The following ATF7IP variants were observed in gnomAD, a reference collection of about 807,000 sequenced individuals.
The protein encoded by ATF7IP is activating transcription factor 7-interacting protein 1.
In ATF7IP, 23 loss-of-function variants were observed where a neutral mutation model predicts 106.4. The observed-to-expected ratio is 0.22, with a 90% CI of 0.16 to 0.31. The LOEUF is 0.31. Ranked by LOEUF, ATF7IP falls within the 10% of genes least tolerant of loss-of-function variation. The pLI, the probability that ATF7IP is intolerant of heterozygous loss-of-function variation, is 1.00. For missense variants in ATF7IP, 1,334 were observed against 1,524.3 expected (o/e 0.88, Z 2.08); for synonymous variants, 542 against 539.0 (o/e 1.01, Z -0.08).
intron 4 of ATF7IP, among the ~76,000 whole-genome samples, chr12:14,437,151 A>G (rs377670486): frequency 4.6e-5 from 7 of 152,284 alleles, no homozygotes; most frequent in African/African-American, 1.7e-4. Flanking sequence ...AATATTCAGT[A>G]TTTTATGTTT....
At chr12:14,479,059 ACTATT>A (rs1201279056) in intron 12 of ATF7IP, among the ~76,000 whole-genome samples, 1 of 152,208 alleles carries the variant, frequency 6.6e-6, no homozygotes, top group Non-Finnish European at 1.5e-5. Flanking sequence ...GGAAAATAAT[ACTATT>A]CTGAGTTATA....
chr12:14,366,056 A>G (rs1370660600), intron 1 of ATF7IP, among the ~76,000 whole-genome samples: 1 of 152,142 alleles, frequency 6.6e-6, no homozygotes, highest in Non-Finnish European at 1.5e-5. Context: ...ATTCATTTTC[A>G]AGATCTAATG....
In ATF7IP at chr12:14,497,855, T is replaced by C; in HGVS notation, c.3595T>C (p.Tyr1199His). The C allele has an allele frequency of 6.2e-7, 1 of 1,614,138 alleles. No individual in the cohort carries two copies. Among genetic ancestry groups the C allele is most frequent in the South Asian group, 1.1e-5 (1 of 91,084 alleles). ...TGCCACTGTTGATAGCTACCATCTC[T>C]ATGCTTACCATGAGGAACCCAGTGC... ...SCATVDSYHLYAYHEEPSATV... is the reference protein window; with the variant it reads ...SCATVDSYHLHAYHEEPSATV... The change falls in exon 15 of 15, where the codon TAT becomes CAT. Residue 1199 changes from tyrosine to histidine, a missense_variant. Tyr to His is a moderately conservative substitution (Grantham distance 83). Coordinates refer to ENST00000261168, the MANE Select transcript of ATF7IP (RefSeq NM_018179.5).
chr12:14,483,104 T>TG (rs1249646382), intron 13 of ATF7IP, among the ~76,000 whole-genome samples: 1 of 152,260 alleles, frequency 6.6e-6, no homozygotes, highest in Non-Finnish European at 1.5e-5. Context: ...CACATGGTCC[T>TG]GGCTGGTATT....
intron 1 of ATF7IP, among the ~76,000 whole-genome samples, chr12:14,410,895 G>A (rs932191038): frequency 2.6e-5 from 4 of 152,110 alleles, no homozygotes; most frequent in African/African-American, 9.7e-5. Context: ...GTGGCCTTTC[G>A]TGACTGGCTT....
chr12:14,447,848 G>A (rs1943045819), intron 6 of ATF7IP, among the ~76,000 whole-genome samples: 2 of 152,106 alleles, frequency 1.3e-5, no homozygotes, highest in African/African-American at 4.8e-5. Flanking sequence ...GACTTAAACA[G>A]TTTGAATATT....
intron 6 of ATF7IP, among the ~76,000 whole-genome samples, chr12:14,449,129 A>G (rs1943098507): frequency 6.6e-6 from 1 of 152,086 alleles, no homozygotes; most frequent in Admixed American, 6.5e-5. Context: ...TTTCATATAC[A>G]GAAGTTATTA....
chr12:14,429,464 AT>A, intron 2 of ATF7IP, among the ~76,000 whole-genome samples: 1 of 151,692 alleles, frequency 6.6e-6, no homozygotes, highest in Non-Finnish European at 1.5e-5. Context: ...AGTGAACTAG[AT>A]TTTTTTTGCA....
chr12:14,446,101 A>G (rs931729548), intron 5 of ATF7IP, among the ~76,000 whole-genome samples: 1 of 151,884 alleles, frequency 6.6e-6, no homozygotes, highest in Non-Finnish European at 1.5e-5. Flanking sequence ...ATGATTAATA[A>G]TCTCACTGAC....
chr12:14,389,297 A>T (rs902246935), intron 1 of ATF7IP, among the ~76,000 whole-genome samples: 4 of 152,222 alleles, frequency 2.6e-5, no homozygotes, highest in African/African-American at 9.6e-5. Context: ...TGTTAGCATA[A>T]ATTAGCCATC....
intron 1 of ATF7IP, among the ~76,000 whole-genome samples, chr12:14,391,072 G>T (rs940985008): frequency 6.6e-6 from 1 of 152,212 alleles, no homozygotes; most frequent in African/African-American, 2.4e-5. Context: ...ACTTTGAAAA[G>T]AGAAAGTGAT....
chr12:14,457,262 G>A lies in ATF7IP; in HGVS notation c.2125G>A (p.Ala709Thr), dbSNP rs1458701856. 2.5e-6 allele frequency: 4 copies of A among 1,613,150 alleles called. No individual in the cohort carries two copies. The highest frequency in any genetic ancestry group is 1.7e-5 in the Admixed American group (1 of 59,762). The stretch of plus-strand genomic sequence containing the variant: ...GTCCAAAAGAAATGTAAGCGAGAGT[G>A]CACCACCATCCTTTCAAACTCCTGT... The part of the protein sequence containing the change: ...LESKRNVSES[A>T]PPSFQTPVNT... The change falls in exon 8 of 15, where the codon GCA (alanine) becomes ACA (threonine). Residue 709 changes from alanine to threonine, a missense_variant. By Grantham distance (58) the Ala-to-Thr change is moderately conservative (BLOSUM62 0). Transcript: ENST00000261168.
chr12:14,376,708 TA>T (rs1409860785), intron 1 of ATF7IP, among the ~76,000 whole-genome samples: 1 of 152,238 alleles, frequency 6.6e-6, no homozygotes, highest in Non-Finnish European at 1.5e-5. Flanking sequence ...TGGGAAATAC[TA>T]TTCTTTATTC....
rs761806828 is a variant in ATF7IP, at chr12:14,436,169, G to A, written c.1709G>A (p.Arg570His). The change falls in exon 4 of 15, where the codon CGT becomes CAT. Residue 570 changes from arginine to histidine, a missense_variant. Physicochemically the swap from Arg to His is conservative, Grantham distance 29 (BLOSUM62 0). Coordinates refer to ENST00000261168, the MANE Select transcript of ATF7IP (RefSeq NM_018179.5). ...EDMDNVQSKR[R>H]RYMEEEYEAE... ...ATGGACAATGTACAGTCTAAACGTC[G>A]TCGATATATGGAAGAAGAATATGAG... The A allele has an allele frequency of 5.0e-6, 8 of 1,613,562 alleles. No homozygotes were observed. The highest frequency in any genetic ancestry group is 1.1e-5 in the South Asian group (1 of 91,070).
At chr12:14,481,658 G>A (rs1436376220) in intron 13 of ATF7IP, 2 of 434,968 alleles carry the variant, frequency 4.6e-6, no homozygotes, top group East Asian at 7.4e-5. Flanking sequence ...TTTGTGCTCT[G>A]AGTGTTGTCT....
At chr12:14,430,963 T>A (rs931362629) in intron 2 of ATF7IP, among the ~76,000 whole-genome samples, 1 of 152,224 alleles carries the variant, frequency 6.6e-6, no homozygotes, top group Non-Finnish European at 1.5e-5. Context: ...TTTTGGCCGC[T>A]TACAAAAAAG....
In ATF7IP at chr12:14,497,842, T is replaced by C; in HGVS notation, c.3582T>C (p.Asp1194=). 1 of 1,614,168 alleles carries C rather than the reference T, an allele frequency of 6.2e-7. No homozygotes were observed. The highest frequency in any genetic ancestry group is 1.3e-5 in the African/African-American group (1 of 75,060). ...LEVDRSCATV[D]SYHLYAYHEE... is the part of the protein sequence containing the mutation. ...TGGATCGAAGCTGTGCCACTGTTGATAGCTACCATCTCTATGCTTACCATG... is the reference window on the plus strand; with the variant it reads ...TGGATCGAAGCTGTGCCACTGTTGACAGCTACCATCTCTATGCTTACCATG... The change falls in exon 15 of 15, where the codon GAT becomes GAC. Residue 1194 remains aspartate, a synonymous_variant. Transcript: ENST00000261168.
chr12:14,428,830 A>G (rs1169117713), intron 2 of ATF7IP, among the ~76,000 whole-genome samples: 1 of 152,224 alleles, frequency 6.6e-6, no homozygotes, highest in Non-Finnish European at 1.5e-5. Context: ...TTTTAATTTT[A>G]CAAAAGTAGA....
chr12:14,412,337 TAGAG>T (rs1313349615), intron 1 of ATF7IP, among the ~76,000 whole-genome samples: 3 of 152,332 alleles, frequency 2.0e-5, no homozygotes, highest in African/African-American at 7.2e-5. Flanking sequence ...AGGATTTTGA[TAGAG>T]ATTGTTTTGA....
Sources: allele counts gnomAD v4.1 joint callset (sites outside exome capture counted in the v4.1 genomes callset), GRCh38; gene constraint gnomAD v4.1.1; transcripts MANE v1.5; gene names NCBI Gene and HGNC (gene_info 2026-07-23, HGNC 2026-07-21).